RBFOX1: variants seen among roughly 807,000 people sequenced by gnomAD.
RBFOX1 encodes the protein RNA binding protein fox-1 homolog 1.
Under a neutral mutation model 57.7 loss-of-function variants are expected in RBFOX1, and 8 were observed. The ratio of observed to expected loss-of-function variants is 0.14; its 90% CI spans 0.08 to 0.25. The LOEUF (loss-of-function observed/expected upper bound fraction) is 0.25. RBFOX1 is among the 10% of genes least tolerant of loss of function. RBFOX1 has a pLI of 1.00. For synonymous variants in RBFOX1, 326 were observed against 222.4 expected (o/e 1.47, Z -4.15); for missense variants, 611 against 548.5 (o/e 1.11, Z -1.14).
At chr16:7,267,062 G>T (rs973750651) in intron 4 of RBFOX1, among the ~76,000 whole-genome samples, 1 of 152,162 alleles carries the variant, frequency 6.6e-6, no homozygotes, top group Admixed American at 6.5e-5. Flanking sequence ...CCTGAGGAGA[G>T]TCGAAGTGGG....
chr16:7,441,271 C>T (rs1488531527), intron 4 of RBFOX1, among the ~76,000 whole-genome samples: 1 of 152,200 alleles, frequency 6.6e-6, no homozygotes, highest in Non-Finnish European at 1.5e-5. Context: ...GAACAATCAG[C>T]ATCAAAGGCC....
At chr16:7,000,572 T>A (rs1410227921) in intron 3 of RBFOX1, among the ~76,000 whole-genome samples, 1 of 144,884 alleles carries the variant, frequency 6.9e-6, no homozygotes, top group Non-Finnish European at 1.5e-5. Context: ...AAGTTTTCTT[T>A]TCTTTTTTTC....
chr16:5,783,443 G>T (rs559601464), intron 3 of RBFOX1, among the ~76,000 whole-genome samples: 1 of 151,882 alleles, frequency 6.6e-6, no homozygotes, highest in Non-Finnish European at 1.5e-5. Context: ...ATTTTTTCTT[G>T]TTTTGAGTAT....
intron 2 of RBFOX1, among the ~76,000 whole-genome samples, chr16:6,605,893 A>C (rs968442226): frequency 2.0e-5 from 3 of 152,124 alleles, no homozygotes; most frequent in African/African-American, 4.8e-5. Flanking sequence ...TGAGGGCAGG[A>C]GTTCGAGACC....
intron 3 of RBFOX1, among the ~76,000 whole-genome samples, chr16:6,884,757 G>C (rs2063640857): frequency 6.6e-6 from 1 of 152,054 alleles, no homozygotes; most frequent in African/African-American, 2.4e-5. Flanking sequence ...AATTAGCTAG[G>C]TGTGATGGCA....
At chr16:6,300,958 A>G (rs1228251498) in intron 1 of RBFOX1, among the ~76,000 whole-genome samples, 2 of 152,186 alleles carry the variant, frequency 1.3e-5, no homozygotes, top group Non-Finnish European at 2.9e-5. Flanking sequence ...GATGGTTTTC[A>G]CAAAGTGGGA....
At chr16:7,208,585 C>T (rs1298751273) in intron 4 of RBFOX1, among the ~76,000 whole-genome samples, 1 of 152,092 alleles carries the variant, frequency 6.6e-6, no homozygotes, top group East Asian at 1.9e-4. Context: ...CCTGTAACCC[C>T]AGCAATTTGG....
chr16:7,388,994 C>T (rs1426049623), intron 4 of RBFOX1, among the ~76,000 whole-genome samples: 2 of 152,184 alleles, frequency 1.3e-5, no homozygotes, highest in African/African-American at 4.8e-5. Flanking sequence ...GTGCTTAAAA[C>T]ATTTTTTTAA....
intron 1 of RBFOX1, among the ~76,000 whole-genome samples, chr16:6,098,557 G>A (rs947794694): frequency 6.6e-6 from 1 of 152,222 alleles, no homozygotes; most frequent in Non-Finnish European, 1.5e-5. Flanking sequence ...AATTATAGAA[G>A]CATTAGTCCT....
intron 2 of RBFOX1, among the ~76,000 whole-genome samples, chr16:5,502,911 A>G (rs989817260): frequency 2.0e-5 from 3 of 152,220 alleles, no homozygotes; most frequent in African/African-American, 7.2e-5. Flanking sequence ...GTCCCTAGAA[A>G]GATGGACTCC....
intron 10 of RBFOX1, among the ~76,000 whole-genome samples, chr16:7,613,925 C>T (rs960212126): frequency 6.6e-6 from 1 of 152,152 alleles, no homozygotes; most frequent in Non-Finnish European, 1.5e-5. Flanking sequence ...GCATTGGGCT[C>T]AGGGTGATTT....
chr16:6,816,756 A>C (rs1224405449), intron 3 of RBFOX1, among the ~76,000 whole-genome samples: 2 of 147,380 alleles, frequency 1.4e-5, no homozygotes, highest in African/African-American at 5.2e-5. Flanking sequence ...AAAAAAAAGG[A>C]AGAAAAGAAA....
At chr16:5,324,637 C>T (rs1002260807) in intron 1 of RBFOX1, among the ~76,000 whole-genome samples, 4 of 152,154 alleles carry the variant, frequency 2.6e-5, no homozygotes, top group South Asian at 2.1e-4. Flanking sequence ...ATACAAAGAA[C>T]GAAATCATGT....
intron 3 of RBFOX1, among the ~76,000 whole-genome samples, chr16:5,656,562 C>A (rs1307356579): frequency 1.3e-5 from 2 of 152,134 alleles, no homozygotes; most frequent in African/African-American, 2.4e-5. Context: ...TAAACCTGTC[C>A]ATCACCTCTA....
intron 2 of RBFOX1, among the ~76,000 whole-genome samples, chr16:5,495,588 G>T (rs1389552889): frequency 6.6e-6 from 1 of 152,212 alleles, no homozygotes; most frequent in African/African-American, 2.4e-5. Flanking sequence ...AGAAGACCCT[G>T]AAAACTGGAG....
chr16:5,646,140 C>G (rs939300948), intron 3 of RBFOX1, among the ~76,000 whole-genome samples: 1 of 151,574 alleles, frequency 6.6e-6, no homozygotes, highest in Admixed American at 6.6e-5. Context: ...CACTATTCTG[C>G]TGCCTCAGCC....
At chr16:6,492,606 A>G (rs1290181399) in intron 2 of RBFOX1, among the ~76,000 whole-genome samples, 1 of 152,074 alleles carries the variant, frequency 6.6e-6, no homozygotes, top group Non-Finnish European at 1.5e-5. Flanking sequence ...ATAAATAAGT[A>G]TGTACTTTTG....
chr16:6,448,347 C>G (rs950151207), intron 2 of RBFOX1, among the ~76,000 whole-genome samples: 1 of 151,314 alleles, frequency 6.6e-6, no homozygotes, highest in African/African-American at 2.4e-5. Context: ...TTAATAGAGG[C>G]GGGGCTTCAC....
At chr16:7,621,461 C>G (rs2059309711) in intron 10 of RBFOX1, among the ~76,000 whole-genome samples, 1 of 152,092 alleles carries the variant, frequency 6.6e-6, no homozygotes, top group Admixed American at 6.5e-5. Flanking sequence ...CGGGTTTTGC[C>G]ATGTTCTCCA....
Sources: allele counts gnomAD v4.1 joint callset (sites outside exome capture counted in the v4.1 genomes callset), GRCh38; gene constraint gnomAD v4.1.1; transcripts MANE v1.5; gene names NCBI Gene and HGNC (gene_info 2026-07-23, HGNC 2026-07-21).